LDB2: variants seen among roughly 807,000 people sequenced by gnomAD.
LDB2 encodes LIM domain-binding protein 2.
Under a neutral mutation model 44.3 loss-of-function variants are expected in LDB2, and 12 were observed. That is an observed-to-expected ratio of 0.27 (90% CI 0.17 to 0.44). The LOEUF is 0.44. Among genes scored for constraint, LDB2 ranks in the 20% least tolerant of loss-of-function variants. The pLI is 1.00. For missense variants in LDB2, 344 were observed against 473.5 expected (o/e 0.73, Z 2.54); for synonymous variants, 164 against 174.8 (o/e 0.94, Z 0.49).
chr4:16,763,597 C>T (rs544825781), intron 1 of LDB2, among the ~76,000 whole-genome samples: 6 of 152,194 alleles, frequency 3.9e-5, no homozygotes, highest in African/African-American at 1.2e-4. Context: ...CTTGTGTTGG[C>T]TGTATATGAA....
intron 2 of LDB2, among the ~76,000 whole-genome samples, chr4:16,714,087 C>G (rs1002588833): frequency 1.3e-5 from 2 of 152,164 alleles, no homozygotes; most frequent in African/African-American, 2.4e-5. Flanking sequence ...ACAAAAAAGT[C>G]ATTGGGTGGA....
Position 16,867,889 on chromosome 4 carries a change from C to T in LDB2, c.132+30465G>A, listed in dbSNP as rs372732659. Among the ~76,000 whole-genome samples the T allele has an allele frequency of 9.2e-5, 14 of 152,340 alleles. No homozygotes were observed. The East Asian group carries it at 2.5e-3, about 27-fold the overall frequency. On this transcript the variant is annotated intron_variant, in intron 1 of 7. Transcript: ENST00000304523. ...GATATCAACAATCCATGACAACATT[C>T]TATCCCTAACCTAACCTGACCACTT...
intron 1 of LDB2, among the ~76,000 whole-genome samples, chr4:16,782,998 C>A (rs911146481): frequency 2.0e-5 from 3 of 151,946 alleles, no homozygotes; most frequent in African/African-American, 7.3e-5. Context: ...CTGGGAAAGA[C>A]CTCTCTCTCT....
chr4:16,612,795 C>A (rs191266233), intron 2 of LDB2, among the ~76,000 whole-genome samples: 1 of 152,326 alleles, frequency 6.6e-6, no homozygotes, highest in African/African-American at 2.4e-5. Flanking sequence ...TGTTACCATT[C>A]CTTCTGAAAC....
intron 4 of LDB2, among the ~76,000 whole-genome samples, chr4:16,587,681 C>G (rs1195233445): frequency 1.3e-5 from 2 of 152,018 alleles, no homozygotes; most frequent in Admixed American, 6.6e-5. Flanking sequence ...ACAACTAATG[C>G]GTGGAGAAAT....
intron 2 of LDB2, among the ~76,000 whole-genome samples, chr4:16,608,247 T>G (rs1724516976): frequency 6.9e-6 from 1 of 145,922 alleles, no homozygotes; most frequent in African/African-American, 2.6e-5. Flanking sequence ...GCATGCCAGG[T>G]CAGCATTCCA....
intron 1 of LDB2, among the ~76,000 whole-genome samples, chr4:16,830,050 G>A (rs1018177294): frequency 2.0e-5 from 3 of 152,004 alleles, no homozygotes; most frequent in Admixed American, 6.6e-5. Flanking sequence ...GGTTGCAATG[G>A]GCTGAGATCG....
chr4:16,625,916 T>A (rs1730167372), intron 2 of LDB2, among the ~76,000 whole-genome samples: 1 of 152,060 alleles, frequency 6.6e-6, no homozygotes, highest in Admixed American at 6.6e-5. Flanking sequence ...GTAAGAATGG[T>A]CTTCTTACTG....
intron 2 of LDB2, among the ~76,000 whole-genome samples, chr4:16,746,916 T>C (rs1473874254): frequency 6.6e-6 from 1 of 152,168 alleles, no homozygotes; most frequent in Non-Finnish European, 1.5e-5. Flanking sequence ...AATTAAAAGG[T>C]GCCCTGGTTG....
intron 5 of LDB2, among the ~76,000 whole-genome samples, chr4:16,540,334 C>G (rs776575356): frequency 6.6e-6 from 1 of 152,108 alleles, no homozygotes; most frequent in African/African-American, 2.4e-5. Context: ...TTTTGCCATA[C>G]GGTGTAGTTT....
intron 1 of LDB2, among the ~76,000 whole-genome samples, chr4:16,854,948 A>G (rs762035916): frequency 6.0e-4 from 91 of 152,016 alleles, no homozygotes; most frequent in Non-Finnish European, 1.1e-3. Context: ...TTTATCAAAG[A>G]TCATTTATAT....
chr4:16,816,951 C>T (rs187455059), intron 1 of LDB2, among the ~76,000 whole-genome samples: 4 of 152,210 alleles, frequency 2.6e-5, no homozygotes, highest in African/African-American at 9.6e-5. Context: ...ATGTCATCTG[C>T]GCCCTGTACT....
chr4:16,825,837 G>C (rs955685123), intron 1 of LDB2, among the ~76,000 whole-genome samples: 3 of 151,856 alleles, frequency 2.0e-5, no homozygotes, highest in Admixed American at 2.0e-4. Context: ...TTCCCATAAT[G>C]GTTAATAAAC....
intron 2 of LDB2, among the ~76,000 whole-genome samples, chr4:16,617,459 G>A (rs1362576944): frequency 6.6e-6 from 1 of 152,110 alleles, no homozygotes; most frequent in African/African-American, 2.4e-5. Flanking sequence ...GCTGGATCCT[G>A]AACAAATATA....
intron 1 of LDB2, among the ~76,000 whole-genome samples, chr4:16,766,468 ATG>A (rs1218763626): frequency 0.088 from 3,645 of 41,204 alleles, 161 homozygotes; most frequent in African/African-American, 0.15. Flanking sequence ...ACACACATAT[ATG>A]TGTGTGTGTG....
chr4:16,576,333 C>A (rs1202134019), intron 5 of LDB2, among the ~76,000 whole-genome samples: 15 of 151,000 alleles, frequency 9.9e-5, no homozygotes, highest in African/African-American at 3.4e-4. Context: ...ATTAGAAAAA[C>A]CTTGAGCCAG....
At chr4:16,850,826 C>T (rs942128507) in intron 1 of LDB2, among the ~76,000 whole-genome samples, 2 of 152,098 alleles carry the variant, frequency 1.3e-5, no homozygotes. Context: ...ATAGTACCTG[C>T]TCAACATCCA....
chr4:16,864,322 CAA>C (rs750071327), intron 1 of LDB2, among the ~76,000 whole-genome samples: 93 of 152,210 alleles, frequency 6.1e-4, no homozygotes, highest in Middle Eastern at 3.4e-3. Flanking sequence ...AGGGAAAAAT[CAA>C]AGAGTGATTC....
chr4:16,678,148 C>T (rs1462085496), intron 2 of LDB2, among the ~76,000 whole-genome samples: 1 of 152,106 alleles, frequency 6.6e-6, no homozygotes, highest in East Asian at 1.9e-4. Flanking sequence ...GACTGGCCAA[C>T]CCTAAAAAGG....
Sources: allele counts gnomAD v4.1 joint callset (sites outside exome capture counted in the v4.1 genomes callset), GRCh38; gene constraint gnomAD v4.1.1; transcripts MANE v1.5; gene names NCBI Gene and HGNC (gene_info 2026-07-23, HGNC 2026-07-21).